NR3C1: variants seen among roughly 807,000 people sequenced by gnomAD.
NR3C1 encodes nuclear receptor subfamily 3 group C member 1, also known as glucocorticoid receptor.
NR3C1 carries 14 observed loss-of-function variants against 74.0 expected under a neutral mutation model. That is an observed-to-expected ratio of 0.19 (90% CI 0.12 to 0.30). The LOEUF is 0.30. Ranked by LOEUF, NR3C1 falls within the 10% of genes least tolerant of loss-of-function variation. NR3C1 has a pLI of 1.00. For missense variants in NR3C1, 695 were observed against 909.8 expected (o/e 0.76, Z 3.04); for synonymous variants, 308 against 332.5 (o/e 0.93, Z 0.80).
intron 1 of NR3C1, among the ~76,000 whole-genome samples, chr5:143,426,132 T>C (rs1751515580): frequency 6.6e-6 from 1 of 152,168 alleles, no homozygotes; most frequent in Admixed American, 6.5e-5. Flanking sequence ...AAAGACTACA[T>C]ATTGTGTGAT....
chr5:143,418,469 A>G (rs936890865), intron 1 of NR3C1, among the ~76,000 whole-genome samples: 1 of 152,128 alleles, frequency 6.6e-6, no homozygotes, highest in African/African-American at 2.4e-5. Context: ...CAACCCACAC[A>G]GAAGTAATTA....
rs1337859948 is a variant in NR3C1 at position 143,403,613 on chromosome 5, G to GAGCGCGGACACGCGAAAGGGC, written c.-437_-417dup. 342 of 986,468 alleles carry GAGCGCGGACACGCGAAAGGGC rather than the reference G, an allele frequency of 3.5e-4. No homozygotes were observed. The highest frequency in any genetic ancestry group is 3.9e-4 in the Non-Finnish European group (325 of 830,918). The allele number at this position is 986,468 out of a possible 1,614,324, so 61.1% of individuals were successfully genotyped here. ...GGAGGAGGCGGCGGCGGAGGGAAGA[G>GAGCGCGGACACGCGAAAGGGC]AGCGCGGACACGCGAAAGGGCAGCC... On this transcript the variant is annotated 5_prime_UTR_variant, in exon 1 of 9. Transcript: ENST00000394464.
At chr5:143,363,616 T>C (rs1366616691) in intron 2 of NR3C1, among the ~76,000 whole-genome samples, 1 of 151,938 alleles carries the variant, frequency 6.6e-6, no homozygotes, top group East Asian at 1.9e-4. Flanking sequence ...CTATTTTAAA[T>C]ATATTCAGTG....
intron 2 of NR3C1, among the ~76,000 whole-genome samples, chr5:143,340,467 T>C (rs1441206081): frequency 6.8e-6 from 1 of 147,446 alleles, no homozygotes; most frequent in South Asian, 2.1e-4. Flanking sequence ...AGTTATCTCT[T>C]TAAAGATGAT....
In NR3C1 at chr5:143,279,156, C is replaced by A; in HGVS notation, c.*2733G>T. ...GCTTTCAAACAGCACCACCATATAG[C>A]ACTTAAATCCACAATTAAACATAAT... On this transcript the variant is annotated 3_prime_UTR_variant, in exon 9 of 9. Coordinates refer to ENST00000394464, the MANE Select transcript of NR3C1 (RefSeq NM_000176.3). The A allele has an allele frequency of 1.7e-6, 1 of 575,620 alleles. No individual in the cohort carries two copies. The highest frequency in any genetic ancestry group is 2.9e-6 in the Non-Finnish European group (1 of 343,928). The allele number at this position is 575,620 out of a possible 1,614,324, so 35.7% of individuals were successfully genotyped here.
intron 2 of NR3C1, among the ~76,000 whole-genome samples, chr5:143,352,837 CAG>C (rs1295750104): frequency 6.6e-6 from 1 of 152,142 alleles, no homozygotes; most frequent in Non-Finnish European, 1.5e-5. Flanking sequence ...GCTGACTGAT[CAG>C]AGAGGTGGTT....
At chr5:143,365,116 T>A (rs1167795461) in intron 2 of NR3C1, among the ~76,000 whole-genome samples, 1 of 151,506 alleles carries the variant, frequency 6.6e-6, no homozygotes, top group East Asian at 1.9e-4. Flanking sequence ...CTAGAAAATA[T>A]GTAATACAAA....
chr5:143,311,259 T>C (rs1820882955), intron 3 of NR3C1, among the ~76,000 whole-genome samples: 1 of 152,190 alleles, frequency 6.6e-6, no homozygotes, highest in African/African-American at 2.4e-5. Flanking sequence ...AAAAAAGTTA[T>C]ACCCTATAAG....
chr5:143,423,568 C>A (rs1339307610), intron 1 of NR3C1, among the ~76,000 whole-genome samples: 2 of 151,948 alleles, frequency 1.3e-5, no homozygotes, highest in African/African-American at 4.8e-5. Context: ...ACAACAACAA[C>A]AAAATAGAGC....
At chr5:143,296,574 A>T (rs554880594) in intron 6 of NR3C1, among the ~76,000 whole-genome samples, 11 of 152,196 alleles carry the variant, frequency 7.2e-5, no homozygotes, top group Admixed American at 7.2e-4. Context: ...ACAAAGTTAT[A>T]GTGTAGTAGA....
At chr5:143,351,685 C>G (rs1181433704) in intron 2 of NR3C1, among the ~76,000 whole-genome samples, 1 of 152,098 alleles carries the variant, frequency 6.6e-6, no homozygotes, top group African/African-American at 2.4e-5. Context: ...GAAAACATTT[C>G]TACTCTATTA....
At chr5:143,415,666 G>A (rs1841453043) in intron 1 of NR3C1, among the ~76,000 whole-genome samples, 1 of 152,030 alleles carries the variant, frequency 6.6e-6, no homozygotes. Context: ...CCTTATTGAA[G>A]TATATGTAAA....
At chr5:143,297,541 A>G (rs1360483783) in intron 6 of NR3C1, among the ~76,000 whole-genome samples, 1 of 152,202 alleles carries the variant, frequency 6.6e-6, no homozygotes, top group Non-Finnish European at 1.5e-5. Context: ...ATTGGATCCA[A>G]CTACCTAATC....
Position 143,281,826 on chromosome 5 carries a change from T to A in NR3C1, c.*63A>T. 3 of 1,463,258 alleles carry A rather than the reference T, an allele frequency of 2.1e-6. 1 individual carries two copies. The South Asian group carries it at 3.4e-5, about 17-fold the overall frequency. The allele number at this position is 1,463,258 out of a possible 1,614,324, so 90.6% of individuals were successfully genotyped here. ...ACAAAACCTCTACAGGACAAACTGA[T>A]AGTTTATACAATAAAAGCTATTAAT... is the stretch of plus-strand genomic sequence containing the variant. On this transcript the variant is annotated 3_prime_UTR_variant, in exon 9 of 9. Transcript: ENST00000394464.
chr5:143,422,743 A>G (rs942975320), intron 1 of NR3C1, among the ~76,000 whole-genome samples: 2 of 152,204 alleles, frequency 1.3e-5, no homozygotes, highest in African/African-American at 4.8e-5. Context: ...AGAGAAATAA[A>G]TTTCTATTGT....
chr5:143,303,652 A>G (rs1818964778), intron 4 of NR3C1, among the ~76,000 whole-genome samples: 2 of 152,094 alleles, frequency 1.3e-5, no homozygotes, highest in South Asian at 4.1e-4. Context: ...ACAGGCCAAT[A>G]TCCCTGATGA....
rs1321393775 is a variant in NR3C1 at position 143,291,513 on chromosome 5, C to G, written c.2023+3947G>C. ...TGTTGGGATTACCGGTGTGAGCCAC[C>G]ACGCCTGGCTGGGATATATCCTCTA... On this transcript the variant is annotated intron_variant, in intron 7 of 8. Coordinates refer to ENST00000394464, the MANE Select transcript of NR3C1 (RefSeq NM_000176.3). Among the ~76,000 whole-genome samples the G allele has an allele frequency of 3.1e-4, 25 of 79,866 alleles. 1 individual carries two copies. 52.4% of individuals were successfully genotyped at this position (79,866 alleles called of 152,430 possible).
At chr5:143,345,887 CTT>C (rs1357730493) in intron 2 of NR3C1, among the ~76,000 whole-genome samples, 4 of 152,096 alleles carry the variant, frequency 2.6e-5, no homozygotes, top group Non-Finnish European at 5.9e-5. Flanking sequence ...GAACTTAACT[CTT>C]GTTTATATCA....
chr5:143,403,088 C>G, intron 1 of NR3C1, 123 bp downstream of exon 1: 2 of 781,054 alleles, frequency 2.6e-6, no homozygotes, highest in Non-Finnish European at 3.1e-6. Flanking sequence ...CAGCCCCCCA[C>G]CCCCACTCCC....
Sources: allele counts gnomAD v4.1 joint callset (sites outside exome capture counted in the v4.1 genomes callset), GRCh38; gene constraint gnomAD v4.1.1; transcripts MANE v1.5; gene names NCBI Gene and HGNC (gene_info 2026-07-23, HGNC 2026-07-21).